RBFOX1: variants seen among roughly 807,000 people sequenced by gnomAD.
RBFOX1 encodes RNA binding protein fox-1 homolog 1.
Under a neutral mutation model 57.7 loss-of-function variants are expected in RBFOX1, and 8 were observed. The observed-to-expected ratio is 0.14, with a 90% confidence interval of 0.08 to 0.25. The LOEUF (loss-of-function observed/expected upper bound fraction) is 0.25, where lower values mean the gene tolerates loss of function less well. Ranked by LOEUF, RBFOX1 falls within the 10% of genes least tolerant of loss-of-function variation. RBFOX1 has a pLI of 1.00. For synonymous variants in RBFOX1, 326 were observed against 222.4 expected (o/e 1.47, Z -4.15); for missense variants, 611 against 548.5 (o/e 1.11, Z -1.14).
At chr16:7,542,373 C>A (rs933027732) in intron 5 of RBFOX1, among the ~76,000 whole-genome samples, 1 of 152,104 alleles carries the variant, frequency 6.6e-6, no homozygotes, top group Non-Finnish European at 1.5e-5. Flanking sequence ...GACTTTCCAC[C>A]CCACCTCTTC....
At chr16:7,488,947 C>T (rs2151464320) in intron 4 of RBFOX1, among the ~76,000 whole-genome samples, 1 of 152,348 alleles carries the variant, frequency 6.6e-6, no homozygotes, top group South Asian at 2.1e-4. Flanking sequence ...CACATGTCCA[C>T]TATCTATGTA....
At chr16:7,221,945 G>C (rs989323117) in intron 4 of RBFOX1, among the ~76,000 whole-genome samples, 4 of 152,190 alleles carry the variant, frequency 2.6e-5, no homozygotes, top group Non-Finnish European at 5.9e-5. Flanking sequence ...ATGCAGAAGA[G>C]GCTTCTAAGT....
At chr16:5,933,044 G>A (rs1001734923) in intron 4 of RBFOX1, among the ~76,000 whole-genome samples, 1 of 152,238 alleles carries the variant, frequency 6.6e-6, no homozygotes, top group Non-Finnish European at 1.5e-5. Context: ...AGCCGAGGAA[G>A]CTGCAGCAGC....
At chr16:5,506,939 A>G (rs1003096374) in intron 2 of RBFOX1, among the ~76,000 whole-genome samples, 3 of 151,588 alleles carry the variant, frequency 2.0e-5, no homozygotes, top group African/African-American at 7.3e-5. Flanking sequence ...GTCTTTCTTC[A>G]AGTCTTGACT....
At chr16:6,969,525 G>A (rs977146418) in intron 3 of RBFOX1, among the ~76,000 whole-genome samples, 6 of 151,892 alleles carry the variant, frequency 4.0e-5, no homozygotes, top group East Asian at 3.9e-4. Flanking sequence ...GATTGAGCTC[G>A]GGAGTTTGAG....
chr16:6,659,755 C>G (rs377623975), intron 3 of RBFOX1, among the ~76,000 whole-genome samples: 16 of 152,274 alleles, frequency 1.1e-4, no homozygotes, highest in African/African-American at 3.9e-4. Flanking sequence ...GTTTACAAGC[C>G]TGCCCTTCCG....
intron 3 of RBFOX1, among the ~76,000 whole-genome samples, chr16:6,986,541 C>T (rs1164888926): frequency 6.6e-6 from 1 of 152,196 alleles, no homozygotes; most frequent in African/African-American, 2.4e-5. Flanking sequence ...ATTCACCTGC[C>T]TTGGCTTCCC....
At chr16:7,635,921 CT>C (rs2061679766) in intron 11 of RBFOX1, among the ~76,000 whole-genome samples, 1 of 152,184 alleles carries the variant, frequency 6.6e-6, no homozygotes, top group South Asian at 2.1e-4. Flanking sequence ...CACCATTCTC[CT>C]GTCTCAGCCT....
chr16:5,973,524 T>C (rs959854622), intron 4 of RBFOX1, among the ~76,000 whole-genome samples: 5 of 152,210 alleles, frequency 3.3e-5, no homozygotes, highest in African/African-American at 1.2e-4. Context: ...ATACGCAGGA[T>C]ATGAAGGACC....
intron 1 of RBFOX1, among the ~76,000 whole-genome samples, chr16:6,273,774 C>A (rs151021445): frequency 1.1e-4 from 17 of 152,202 alleles, no homozygotes; most frequent in African/African-American, 3.9e-4. Flanking sequence ...TAAAGGGAAG[C>A]TTCAGACTTA....
chr16:5,877,221 T>C (rs969202420), intron 4 of RBFOX1, among the ~76,000 whole-genome samples: 1 of 152,228 alleles, frequency 6.6e-6, no homozygotes, highest in Non-Finnish European at 1.5e-5. Context: ...ATGGACTTCT[T>C]TGGAGGGGTC....
At chr16:6,417,776 GTT>G (rs541843444) in intron 2 of RBFOX1, among the ~76,000 whole-genome samples, 2 of 86,876 alleles carry the variant, frequency 2.3e-5, no homozygotes. Context: ...TGTGTCATAG[GTT>G]TTTTTTTTTT....
intron 4 of RBFOX1, among the ~76,000 whole-genome samples, chr16:7,445,770 C>T (rs1209277871): frequency 6.6e-6 from 1 of 152,104 alleles, no homozygotes; most frequent in African/African-American, 2.4e-5. Flanking sequence ...TTTGGAGATG[C>T]CCAAAGACTG....
chr16:7,372,191 C>G (rs183906463), intron 4 of RBFOX1, among the ~76,000 whole-genome samples: 4 of 152,234 alleles, frequency 2.6e-5, no homozygotes, highest in Admixed American at 6.5e-5. Context: ...CAATTCACAT[C>G]ACTTTCTCAC....
intron 3 of RBFOX1, among the ~76,000 whole-genome samples, chr16:5,674,506 A>T (rs962981528): frequency 1.3e-5 from 2 of 152,206 alleles, no homozygotes; most frequent in African/African-American, 4.8e-5. Context: ...CTCACATATC[A>T]GAAAGTCTTG....
At chr16:6,642,705 A>G (rs1194863232) in intron 2 of RBFOX1, among the ~76,000 whole-genome samples, 1 of 152,130 alleles carries the variant, frequency 6.6e-6, no homozygotes, top group Non-Finnish European at 1.5e-5. Context: ...TGCTGTCTTT[A>G]TTTGCATAAT....
At chr16:5,505,042 G>C (rs146884564) in intron 2 of RBFOX1, among the ~76,000 whole-genome samples, 1 of 150,994 alleles carries the variant, frequency 6.6e-6, no homozygotes, top group East Asian at 1.9e-4. Flanking sequence ...TGGTCAAGGC[G>C]CTGGTTGCAT....
chr16:7,183,767 G>A (rs1602148498), intron 4 of RBFOX1, among the ~76,000 whole-genome samples: 1 of 152,168 alleles, frequency 6.6e-6, no homozygotes. Context: ...AGCTTAGGAG[G>A]ACATTTCATC....
At chr16:6,311,531 C>T (rs180686053) in intron 1 of RBFOX1, among the ~76,000 whole-genome samples, 53 of 152,250 alleles carry the variant, frequency 3.5e-4, no homozygotes, top group African/African-American at 8.9e-4. Flanking sequence ...GAAATGCCTA[C>T]GCCTGATGGC....
Sources: allele counts gnomAD v4.1 joint callset (sites outside exome capture counted in the v4.1 genomes callset), GRCh38; gene constraint gnomAD v4.1.1; transcripts MANE v1.5; gene names NCBI Gene and HGNC (gene_info 2026-07-23, HGNC 2026-07-21).